Variants in SYN3 observed in about 807,000 individuals in gnomAD.
SYN3 encodes the protein synapsin-3.
A neutral mutation model predicts 65.8 loss-of-function variants in SYN3; 35 were observed. The ratio of observed to expected loss-of-function variants is 0.53; its 90% CI spans 0.41 to 0.70. SYN3 has a LOEUF of 0.70. SYN3 is among the 30% of genes least tolerant of loss of function. The probability of loss-of-function intolerance (pLI) is 0.00; values close to 1 mark genes in which losing one functional copy is unlikely to be tolerated. For missense variants in SYN3, 680 were observed against 749.0 expected, an observed-to-expected ratio of 0.91 and a Z score of 1.08; for synonymous variants, 270 against 292.9, an observed-to-expected ratio of 0.92 and a Z score of 0.80.
At chr22:32,662,564 G>T (rs2060230705) in intron 6 of SYN3, among the ~76,000 whole-genome samples, 1 of 152,114 alleles carries the variant, frequency 6.6e-6, no homozygotes, top group East Asian at 1.9e-4. Context: ...ACTGGCTACG[G>T]GTCTTTGGCC....
At chr22:33,021,981 A>G (rs1382122374) in intron 1 of SYN3, among the ~76,000 whole-genome samples, 1 of 152,184 alleles carries the variant, frequency 6.6e-6, no homozygotes, top group Non-Finnish European at 1.5e-5. Flanking sequence ...AAGTTAAACT[A>G]TCTTCACTTG....
chr22:32,954,511 T>G (rs184022073), intron 3 of SYN3, among the ~76,000 whole-genome samples: 2 of 152,282 alleles, frequency 1.3e-5, no homozygotes, highest in Admixed American at 6.5e-5. Flanking sequence ...TGCTATGAGC[T>G]GGGCTCCACA....
At chr22:32,759,377 C>A (rs897585544) in intron 6 of SYN3, among the ~76,000 whole-genome samples, 1 of 152,122 alleles carries the variant, frequency 6.6e-6, no homozygotes, top group African/African-American at 2.4e-5. Flanking sequence ...AGGATATGTA[C>A]AAGGGGCTCA....
In SYN3 at chr22:32,508,213, G is replaced by A. The variant is rs2057652857; in HGVS notation, c.*5479C>T. On this transcript the variant is annotated 3_prime_UTR_variant, in exon 14 of 14. Coordinates refer to ENST00000358763, the MANE Select transcript of SYN3 (RefSeq NM_003490.4). ...TTAACTGATGACATTCCACCATTGT[G>A]ATTTGTTCCTGCCCCACCTTAACTG... Among the ~76,000 whole-genome samples the A allele has an allele frequency of 6.6e-6, 1 of 152,112 alleles. No homozygotes were observed. Among genetic ancestry groups the A allele is most frequent in the Non-Finnish European group, 1.5e-5 (1 of 68,022 alleles).
chr22:33,005,425 A>G (rs921446390), intron 2 of SYN3, among the ~76,000 whole-genome samples: 4 of 152,230 alleles, frequency 2.6e-5, no homozygotes, highest in Non-Finnish European at 5.9e-5. Flanking sequence ...ATCACCTCTG[A>G]GTACCAAACA....
At chr22:32,912,646 A>G (rs912308719) in intron 4 of SYN3, among the ~76,000 whole-genome samples, 1 of 152,090 alleles carries the variant, frequency 6.6e-6, no homozygotes, top group Non-Finnish European at 1.5e-5. Flanking sequence ...ACTTTAGCTC[A>G]GGAGATTGAG....
intron 6 of SYN3, among the ~76,000 whole-genome samples, chr22:32,679,839 C>CTTTTTTTTTTTTTGTTTTTTT (rs2060498062): frequency 2.6e-5 from 1 of 39,148 alleles, no homozygotes; most frequent in Non-Finnish European, 4.6e-5. Flanking sequence ...TGTTTTTTGG[C>CTTTTTTTTTTTTTGTTTTTTT]TTTTTTTTTT....
chr22:32,888,638 T>A (rs1451422781), intron 4 of SYN3, among the ~76,000 whole-genome samples: 5 of 152,172 alleles, frequency 3.3e-5, no homozygotes, highest in African/African-American at 1.2e-4. Flanking sequence ...GAAGCAGGAA[T>A]GCAAGACGCC....
Position 32,748,736 on chromosome 22 carries a change from G to A in SYN3, c.711+116179C>T, listed in dbSNP as rs921654634. Among the ~76,000 whole-genome samples, 32 of 152,180 alleles carry A rather than the reference G, an allele frequency of 2.1e-4. 1 individual carries two copies. The highest frequency in any genetic ancestry group is 7.2e-4 in the African/African-American group (30 of 41,450). ...CTCAGGTCTTATCCTCGACCAGAACGAAGGTAGCCCCTAGAAGGTAGAAGG... is the reference window on the plus strand; with the variant it reads ...CTCAGGTCTTATCCTCGACCAGAACAAAGGTAGCCCCTAGAAGGTAGAAGG... On this transcript the variant is annotated intron_variant, in intron 6 of 13. Transcript: ENST00000358763.
chr22:32,866,424 C>T (rs917123006), intron 5 of SYN3, among the ~76,000 whole-genome samples: 1 of 152,132 alleles, frequency 6.6e-6, no homozygotes, highest in African/African-American at 2.4e-5. Context: ...ATTTTGCAGA[C>T]AAGGAAATTG....
rs895840920 is a variant in SYN3 at position 32,616,690 on chromosome 22, G to C, written c.712-19954C>G. Among the ~76,000 whole-genome samples the C allele has an allele frequency of 2.6e-5, 4 of 152,124 alleles. No individual in the cohort carries two copies. The East Asian group carries it at 7.7e-4, about 29-fold the overall frequency. On this transcript the variant is annotated intron_variant, in intron 6 of 13. Transcript: ENST00000358763. The stretch of plus-strand genomic sequence containing the variant: ...CTACCCTCGAAGGGTTCCCAGGCTG[G>C]TGGGGGCAGCAGATCTGTAAGCAAA...
intron 6 of SYN3, among the ~76,000 whole-genome samples, chr22:32,621,213 A>G (rs1361957983): frequency 1.3e-5 from 2 of 151,956 alleles, no homozygotes; most frequent in Non-Finnish European, 2.9e-5. Context: ...ACTTGTGTTA[A>G]ATGATGGTAC....
At chr22:32,579,652 C>G (rs756328153) in intron 7 of SYN3, among the ~76,000 whole-genome samples, 1 of 152,158 alleles carries the variant, frequency 6.6e-6, no homozygotes. Context: ...GCCTTTGCCC[C>G]TCCTCCAACC....
chr22:33,045,459 C>CTTTTTTTTTT (rs745442160), intron 1 of SYN3, among the ~76,000 whole-genome samples: 2 of 84,698 alleles, frequency 2.4e-5, no homozygotes, highest in Non-Finnish European at 2.4e-5. Flanking sequence ...GCTCTACTTT[C>CTTTTTTTTTT]TTTTTTTTTT....
chr22:32,864,754 A>C lies in SYN3; in HGVS notation c.711+161T>G, dbSNP rs2048643090. The C allele has an allele frequency of 6.3e-6, 4 of 630,204 alleles. 1 individual carries two copies. Among genetic ancestry groups the C allele is most frequent in the Non-Finnish European group, 1.1e-5 (4 of 358,046 alleles). The allele number at this position is 630,204 out of a possible 1,614,324, so 39.0% of individuals were successfully genotyped here. A position where few individuals can be genotyped will look rare whatever the true frequency, so the allele number is the denominator to read the frequency against. On this transcript the variant is annotated intron_variant, in intron 6 of 13. Coordinates refer to ENST00000358763, the MANE Select transcript of SYN3 (RefSeq NM_003490.4). ...ACCTGGAGAGACGACTTCCCTTAGG[A>C]AATCCAGGCACTCCCACAGGACACT...
At chr22:32,540,504 C>A (rs1316614758) in intron 8 of SYN3, among the ~76,000 whole-genome samples, 1 of 152,232 alleles carries the variant, frequency 6.6e-6, no homozygotes, top group Non-Finnish European at 1.5e-5. Flanking sequence ...CTCATCATTT[C>A]AAGTGGAACT....
At chr22:32,655,325 C>T (rs1167837086) in intron 6 of SYN3, among the ~76,000 whole-genome samples, 1 of 152,192 alleles carries the variant, frequency 6.6e-6, no homozygotes, top group Non-Finnish European at 1.5e-5. Flanking sequence ...AAATACATTT[C>T]TATTCTTTAT....
intron 3 of SYN3, among the ~76,000 whole-genome samples, chr22:32,960,581 T>C (rs2051616622): frequency 6.6e-6 from 1 of 152,188 alleles, no homozygotes; most frequent in Admixed American, 6.5e-5. Context: ...TTGACAGTCA[T>C]GCATGTGACT....
intron 3 of SYN3, among the ~76,000 whole-genome samples, chr22:32,955,605 G>A (rs975874775): frequency 1.3e-5 from 2 of 151,950 alleles, no homozygotes; most frequent in Admixed American, 6.6e-5. Flanking sequence ...GTACATTCAT[G>A]GTGTTGTGCA....
Sources: gnomAD v4.1 joint callset for allele counts (sites outside exome capture counted in the v4.1 genomes callset) on GRCh38, gnomAD v4.1.1 for gene constraint, MANE v1.5 for transcripts, NCBI Gene and HGNC (gene_info 2026-07-23, HGNC 2026-07-21) for gene names.